The following SHROOM2 variants were observed in gnomAD, a reference collection of about 807,000 sequenced individuals.
SHROOM2 encodes protein Shroom2.
SHROOM2 carries 33 observed loss-of-function variants against 75.9 expected under a neutral mutation model. The ratio of observed to expected loss-of-function variants is 0.43; its 90% CI spans 0.33 to 0.58. The LOEUF is 0.58. Ranked by LOEUF, SHROOM2 falls within the 20% of genes least tolerant of loss-of-function variation. The probability of loss-of-function intolerance (pLI) is 0.04; values close to 1 mark genes in which losing one functional copy is unlikely to be tolerated. For missense variants in SHROOM2, 1,434 were observed against 1,461.2 expected (o/e 0.98, Z 0.30); for synonymous variants, 655 against 663.6 (o/e 0.99, Z 0.20).
chrX:9,884,368 C>CTTCTT (rs1372366663), intron 2 of SHROOM2, among the ~76,000 whole-genome samples: 1,726 of 62,237 alleles, frequency 0.028, 18 homozygotes, highest in Middle Eastern at 0.067. Context: ...TTTTTCTTTT[C>CTTCTT]TTTTTTTTTT....
rs1187265504 is a variant in SHROOM2, at chrX:9,944,922, A to G, written c.4584+9A>G. The G allele has an allele frequency of 2.5e-6, 3 of 1,185,452 alleles. No homozygotes were observed. The Admixed American group carries it at 7.0e-5, about 28-fold the overall frequency. ...CTTCTCCCGGTGATCGGGTAAATGC[A>G]GATACGTCTGACTTGGAAATGGGGG... On this transcript the variant is annotated intron_variant, in intron 9 of 9. Coordinates refer to ENST00000380913, the MANE Select transcript of SHROOM2 (RefSeq NM_001649.4).
intron 5 of SHROOM2, among the ~76,000 whole-genome samples, chrX:9,906,154 T>G (rs1326366686): frequency 2.7e-5 from 3 of 112,348 alleles, no homozygotes; most frequent in South Asian, 3.7e-4. Flanking sequence ...AGATTTTATA[T>G]AGAGACATTT....
rs2084661311 is a variant in SHROOM2 at position 9,932,639 on chromosome X, G to A, written c.3356G>A (p.Ser1119Asn). 1 of 1,210,815 alleles carries A rather than the reference G, an allele frequency of 8.3e-7. No homozygotes were observed. The highest frequency in any genetic ancestry group is 3.0e-5 in the East Asian group (1 of 33,814). Residue 1119 changes from serine to asparagine, a missense_variant, in exon 6 of 10, where the codon AGC becomes AAC. Transcript: ENST00000380913. ...CTCTCCCACAGCCCCTCTGTGTTCA[G>A]CAGTGCCCAGCCCCAGGACACCCCG... ...LSLSHSPSVF[S>N]SAQPQDTPKA...
In SHROOM2 at chrX:9,885,806, A is replaced by G. The variant is rs1002174024; in HGVS notation, c.318-5171A>G. On this transcript the variant is annotated intron_variant, in intron 2 of 9. Coordinates refer to ENST00000380913, the MANE Select transcript of SHROOM2 (RefSeq NM_001649.4). ...CCCATCTCTCATTATACAAAAAGTT[A>G]GCTTGGCGTGGTGGTGTGTGTCTGT... Among the ~76,000 whole-genome samples the G allele has an allele frequency of 3.6e-5, 4 of 109,666 alleles. No homozygotes were observed. In the Admixed American group the frequency reaches 3.9e-4, roughly 11 times the overall value.
intron 1 of SHROOM2, among the ~76,000 whole-genome samples, chrX:9,800,785 G>A (rs1170634118): frequency 1.8e-5 from 2 of 108,824 alleles, no homozygotes; most frequent in Non-Finnish European, 3.8e-5. Flanking sequence ...CTCAGCCTCC[G>A]AGATAGCTGG....
intron 2 of SHROOM2, 44 bp from the exon 3 acceptor site, chrX:9,890,933 G>T (rs762311608): frequency 8.6e-7 from 1 of 1,156,528 alleles, no homozygotes; most frequent in African/African-American, 1.8e-5. Flanking sequence ...AGTGAGCGCT[G>T]TGTGCAGTCC....
chrX:9,909,723 T>G (rs1398116868), intron 5 of SHROOM2, among the ~76,000 whole-genome samples: 1 of 112,452 alleles, frequency 8.9e-6, no homozygotes, highest in Non-Finnish European at 1.9e-5. Context: ...AACAGACCTC[T>G]TCAAAACTAT....
In SHROOM2 at chrX:9,944,781, G is replaced by A; in HGVS notation, c.4452G>A (p.Glu1484=). 1 of 1,212,533 alleles carries A rather than the reference G, an allele frequency of 8.2e-7. No homozygotes were observed. Residue 1484 remains glutamate, a synonymous_variant, in exon 9 of 10, where the codon GAG becomes GAA. Coordinates refer to ENST00000380913, the MANE Select transcript of SHROOM2 (RefSeq NM_001649.4). The part of the protein sequence containing the change: ...AIVKGVCKPS[E]FDKFRMFIGD... The stretch of plus-strand genomic sequence containing the variant: ...TGAAAGGCGTCTGCAAGCCCAGCGA[G>A]TTTGACAAGTTCCGGATGTTCATTG...
chrX:9,862,636 C>T (rs2084110918), intron 1 of SHROOM2, among the ~76,000 whole-genome samples: 3 of 112,039 alleles, frequency 2.7e-5, no homozygotes, highest in South Asian at 7.5e-4. Context: ...CCCACTGGAG[C>T]AGGCAGGGAG....
At chrX:9,797,378 G>T (rs1056212593) in intron 1 of SHROOM2, among the ~76,000 whole-genome samples, 3 of 112,771 alleles carry the variant, frequency 2.7e-5, no homozygotes, top group Non-Finnish European at 5.6e-5. Context: ...CCTCTGCTGT[G>T]TTTGGGCCAT....
At chrX:9,809,606 T>C (rs1237596978) in intron 1 of SHROOM2, among the ~76,000 whole-genome samples, 1 of 112,418 alleles carries the variant, frequency 8.9e-6, no homozygotes, top group African/African-American at 3.2e-5. Context: ...TAACCAGAAA[T>C]GCATCATTCC....
chrX:9,883,361 C>G (rs1048684196), intron 2 of SHROOM2, among the ~76,000 whole-genome samples: 1 of 112,016 alleles, frequency 8.9e-6, no homozygotes, highest in East Asian at 2.8e-4. Context: ...GCTGGAAGTT[C>G]TAGTGAGAAC....
chrX:9,870,151 G>A lies in SHROOM2; in HGVS notation c.166-3501G>A, dbSNP rs182823912. Among the ~76,000 whole-genome samples, 652 of 111,666 alleles carry A rather than the reference G, an allele frequency of 5.8e-3. 5 individuals carry two copies. Among genetic ancestry groups the A allele is most frequent in the African/African-American group, 0.02 (625 of 30,747 alleles). On this transcript the variant is annotated intron_variant, in intron 1 of 9. Coordinates refer to ENST00000380913, the MANE Select transcript of SHROOM2 (RefSeq NM_001649.4). ...TGAGATGGGAGAATTGCTTGAGACCGGGAGGTGCAGGCTGTGGTGGGCCGT... is the reference window on the plus strand; with the variant it reads ...TGAGATGGGAGAATTGCTTGAGACCAGGAGGTGCAGGCTGTGGTGGGCCGT...
At chrX:9,845,424 A>T (rs186132835) in intron 1 of SHROOM2, among the ~76,000 whole-genome samples, 1 of 111,936 alleles carries the variant, frequency 8.9e-6, no homozygotes, top group African/African-American at 3.2e-5. Flanking sequence ...ACAGTTCTCC[A>T]TAACTTCTCC....
At chrX:9,816,257 G>C (rs769232046) in intron 1 of SHROOM2, among the ~76,000 whole-genome samples, 3 of 112,315 alleles carry the variant, frequency 2.7e-5, no homozygotes, top group Non-Finnish European at 3.8e-5. Context: ...CAATTCTCCT[G>C]AGTATTTTCC....
chrX:9,924,908 G>A (rs972207108), intron 5 of SHROOM2, among the ~76,000 whole-genome samples: 2 of 110,706 alleles, frequency 1.8e-5, no homozygotes, highest in South Asian at 3.8e-4. Flanking sequence ...CTCCCACCTC[G>A]GCCTCCCACA....
chrX:9,792,116 G>GA (rs758549033), intron 1 of SHROOM2, among the ~76,000 whole-genome samples: 1 of 19,252 alleles, frequency 5.2e-5, no homozygotes, highest in African/African-American at 1.4e-4. Context: ...GAATAGAATA[G>GA]AATAGAATAG....
chrX:9,935,789 A>T (rs374711371), intron 6 of SHROOM2, among the ~76,000 whole-genome samples: 1 of 111,834 alleles, frequency 8.9e-6, no homozygotes, highest in African/African-American at 3.3e-5. Context: ...ACATTTGTGT[A>T]ACATCGTAGG....
chrX:9,832,067 C>A (rs1053091417), intron 1 of SHROOM2, among the ~76,000 whole-genome samples: 2 of 112,086 alleles, frequency 1.8e-5, no homozygotes, highest in Non-Finnish European at 3.8e-5. Context: ...AGGGCTGGGA[C>A]CCCTAGGGAA....
Sources: gnomAD v4.1 joint callset for allele counts (sites outside exome capture counted in the v4.1 genomes callset) on GRCh38, gnomAD v4.1.1 for gene constraint, MANE v1.5 for transcripts, NCBI Gene and HGNC (gene_info 2026-07-23, HGNC 2026-07-21) for gene names.